MGAT4A: variants seen among roughly 807,000 people sequenced by gnomAD.
MGAT4A encodes N-acetylglucosaminyltransferase IVa.
Under a neutral mutation model 74.1 loss-of-function variants are expected in MGAT4A, and 33 were observed. That is an observed-to-expected ratio of 0.45 (90% CI 0.34 to 0.60). MGAT4A has a LOEUF of 0.60. Ranked by LOEUF, MGAT4A falls within the 20% of genes least tolerant of loss-of-function variation. The probability of loss-of-function intolerance (pLI) is 0.02; values close to 1 mark genes in which losing one functional copy is unlikely to be tolerated. For missense variants in MGAT4A, 479 were observed against 628.3 expected, an observed-to-expected ratio of 0.76 and a Z score of 2.54; for synonymous variants, 198 against 210.4, an observed-to-expected ratio of 0.94 and a Z score of 0.51.
intron 12 of MGAT4A, 100 bp downstream of exon 12, chr2:98,639,708 C>T: frequency 3.8e-6 from 4 of 1,056,474 alleles, no homozygotes; most frequent in Non-Finnish European, 2.7e-6. Context: ...CCCACTGTGT[C>T]CCCACATCTG....
intron 2 of MGAT4A, among the ~76,000 whole-genome samples, chr2:98,692,903 A>C (rs1702214070): frequency 6.6e-6 from 1 of 152,220 alleles, no homozygotes; most frequent in Non-Finnish European, 1.5e-5. Flanking sequence ...TAATAGCTAG[A>C]ATTTCCCAAA....
chr2:98,700,549 C>G (rs1307575868), intron 2 of MGAT4A, among the ~76,000 whole-genome samples: 5 of 151,936 alleles, frequency 3.3e-5, no homozygotes, highest in African/African-American at 4.8e-5. Flanking sequence ...TATTGCAAAT[C>G]AAAACCAATT....
chr2:98,656,491 AC>A, intron 6 of MGAT4A, 26 bp from the exon 7 acceptor site: 1 of 1,464,710 alleles, frequency 6.8e-7, no homozygotes, highest in South Asian at 1.2e-5. Flanking sequence ...TAGCTGAGTT[AC>A]TTAAGTTCTG....
rs1264079847 is a variant in MGAT4A, at chr2:98,663,009, A to G, written c.537+37T>C. On this transcript the variant is annotated intron_variant, in intron 5 of 15. Coordinates refer to ENST00000393487, the MANE Select transcript of MGAT4A (RefSeq NM_012214.3). ...ATTAGAGTTTCAACTCTTATAGGCT[A>G]TATTTGGTAAAAACATAACAACAAT... The G allele has an allele frequency of 5.7e-6, 8 of 1,403,228 alleles. No individual in the cohort carries two copies. In the East Asian group the frequency reaches 1.2e-4, roughly 21 times the overall value. The allele number at this position is 1,403,228 out of a possible 1,614,324, so 86.9% of individuals were successfully genotyped here. A position where few individuals can be genotyped will look rare whatever the true frequency, so the allele number is the denominator to read the frequency against.
chr2:98,717,311 G>A (rs1048165349), intron 2 of MGAT4A, among the ~76,000 whole-genome samples: 2 of 151,904 alleles, frequency 1.3e-5, no homozygotes, highest in South Asian at 4.2e-4. Flanking sequence ...CGTGGGAGGT[G>A]GAGGTTACAG....
At position 98,624,767 on chromosome 2, in the gene MGAT4A, T is replaced by C. The variant is rs1013155729; in HGVS notation, c.*799A>G. ...GGGTTGAATGCATCACACTTACACA[T>C]TGAAAATTTATCAGACTGACTTTCT... On this transcript the variant is annotated 3_prime_UTR_variant, in exon 16 of 16. Coordinates refer to ENST00000393487, the MANE Select transcript of MGAT4A (RefSeq NM_012214.3). 1.0e-6 allele frequency: 1 copy of C among 984,432 alleles called. No individual in the cohort carries two copies. The highest frequency in any genetic ancestry group is 1.2e-6 in the Non-Finnish European group (1 of 828,616). 61.0% of individuals were successfully genotyped at this position (984,432 alleles called of 1,614,324 possible).
At chr2:98,626,205 T>A (rs1405229098) in intron 14 of MGAT4A, among the ~76,000 whole-genome samples, 1 of 152,222 alleles carries the variant, frequency 6.6e-6, no homozygotes, top group African/African-American at 2.4e-5. Flanking sequence ...TCTGATTGCT[T>A]TGAATGTTAA....
rs1002409385 is a variant in MGAT4A, at chr2:98,621,476, C to T, written c.*4090G>A. On this transcript the variant is annotated 3_prime_UTR_variant, in exon 16 of 16. Transcript: ENST00000393487. ...GAGGTCCTTCTGCTTTGTCTCTTGACTTCTGCCACCAGCCCGAGAAAACTC... is the reference window on the plus strand; with the variant it reads ...GAGGTCCTTCTGCTTTGTCTCTTGATTTCTGCCACCAGCCCGAGAAAACTC... 1.3e-6 allele frequency: 2 copies of T among 1,551,560 alleles called. No individual in the cohort carries two copies. The highest frequency in any genetic ancestry group is 1.7e-6 in the Non-Finnish European group (2 of 1,146,980).
chr2:98,715,025 A>G (rs1411766839), intron 2 of MGAT4A, among the ~76,000 whole-genome samples: 1 of 152,112 alleles, frequency 6.6e-6, no homozygotes, highest in African/African-American at 2.4e-5. Flanking sequence ...AAAGAAATAC[A>G]TGAAGGAGGG....
intron 3 of MGAT4A, among the ~76,000 whole-genome samples, chr2:98,676,678 G>A (rs1283388073): frequency 6.6e-6 from 1 of 152,130 alleles, no homozygotes; most frequent in African/African-American, 2.4e-5. Context: ...TTAATATATT[G>A]TGGTATATAT....
chr2:98,729,716 C>G (rs1702817314), intron 1 of MGAT4A, among the ~76,000 whole-genome samples: 1 of 152,154 alleles, frequency 6.6e-6, no homozygotes, highest in African/African-American at 2.4e-5. Flanking sequence ...CTGAAATACT[C>G]AATATAGTCC....
rs943894870 is a variant in MGAT4A, at chr2:98,622,115, A to G, written c.*3451T>C. ...AATCTTACATCTTAGAATCCTAGAA[A>G]TGGGTCCTCAGCTTTCTCTTCTCAC... On this transcript the variant is annotated 3_prime_UTR_variant, in exon 16 of 16. Transcript: ENST00000393487. 2.0e-6 allele frequency: 2 copies of G among 985,304 alleles called. No individual in the cohort carries two copies. The highest frequency in any genetic ancestry group is 2.4e-6 in the Non-Finnish European group (2 of 829,880). 61.0% of individuals were successfully genotyped at this position (985,304 alleles called of 1,614,324 possible). A position where few individuals can be genotyped will look rare whatever the true frequency, so the allele number is the denominator to read the frequency against.
In MGAT4A at chr2:98,625,252, T is replaced by C. The variant is rs938370592; in HGVS notation, c.*314A>G. The C allele has an allele frequency of 1.2e-4, 115 of 961,180 alleles. No individual in the cohort carries two copies. Among genetic ancestry groups the C allele is most frequent in the Non-Finnish European group, 1.4e-4 (108 of 792,272 alleles). 59.5% of individuals were successfully genotyped at this position (961,180 alleles called of 1,614,324 possible). A position where few individuals can be genotyped will look rare whatever the true frequency, so the allele number is the denominator to read the frequency against. ...CTTCATAAAATGTATGTAACATTAG[T>C]TTTTCTCAAATTTAAAGAATGTAAC... On this transcript the variant is annotated 3_prime_UTR_variant, in exon 16 of 16. Coordinates refer to ENST00000393487, the MANE Select transcript of MGAT4A (RefSeq NM_012214.3).
intron 2 of MGAT4A, among the ~76,000 whole-genome samples, chr2:98,703,717 C>T (rs1391560265): frequency 2.0e-5 from 3 of 152,162 alleles, no homozygotes; most frequent in Non-Finnish European, 2.9e-5. Flanking sequence ...ACCCCCAACA[C>T]TCCCTACCCC....
intron 2 of MGAT4A, among the ~76,000 whole-genome samples, chr2:98,680,423 T>C (rs1339737011): frequency 6.6e-6 from 1 of 152,176 alleles, no homozygotes; most frequent in East Asian, 1.9e-4. Flanking sequence ...TTATGAAAAA[T>C]GAATCTGCAG....
intron 1 of MGAT4A, among the ~76,000 whole-genome samples, chr2:98,727,586 G>A (rs1475870547): frequency 2.0e-5 from 3 of 152,126 alleles, no homozygotes; most frequent in Admixed American, 1.3e-4. Context: ...GGTGCCACAG[G>A]ATGCACCTGG....
rs1214742377 is a variant in MGAT4A, at chr2:98,624,415, A to G, written c.*1151T>C. Reference sequence around the variant, plus strand: ...TAATATCATTTGGAATAGCGTGTTTAAGAGTAATAAATACAGTCTCTTGGA... The same window carrying G: ...TAATATCATTTGGAATAGCGTGTTTGAGAGTAATAAATACAGTCTCTTGGA... On this transcript the variant is annotated 3_prime_UTR_variant, in exon 16 of 16. Coordinates refer to ENST00000393487, the MANE Select transcript of MGAT4A (RefSeq NM_012214.3). 1.0e-6 allele frequency: 1 copy of G among 959,468 alleles called. No homozygotes were observed. Among genetic ancestry groups the G allele is most frequent in the Non-Finnish European group, 1.2e-6 (1 of 806,528 alleles). 59.4% of individuals were successfully genotyped at this position (959,468 alleles called of 1,614,324 possible).
At chr2:98,643,872 C>G (rs757219974) in intron 10 of MGAT4A, 51 bp downstream of exon 10, 2 of 1,405,180 alleles carry the variant, frequency 1.4e-6, no homozygotes, top group Non-Finnish European at 1.9e-6. Context: ...AAGTCACTTT[C>G]ACGAAATACA....
rs116628196 is a variant in MGAT4A, at chr2:98,706,823, C to T, written c.94+19416G>A. Among the ~76,000 whole-genome samples, 1,272 of 149,436 alleles carry T rather than the reference C, an allele frequency of 8.5e-3. 20 individuals carry two copies. Among genetic ancestry groups the T allele is most frequent in the African/African-American group, 0.029 (1,175 of 40,444 alleles). On this transcript the variant is annotated intron_variant, in intron 2 of 15. Coordinates refer to ENST00000393487, the MANE Select transcript of MGAT4A (RefSeq NM_012214.3). ...ATGATGTGGTCTGCCTCAGTCTAGG[C>T]AGGGCAGCAGAGATGGAAACTGGCT...
Sources: allele counts gnomAD v4.1 joint callset (sites outside exome capture counted in the v4.1 genomes callset), GRCh38; gene constraint gnomAD v4.1.1; transcripts MANE v1.5; gene names NCBI Gene and HGNC (gene_info 2026-07-23, HGNC 2026-07-21).